Variants in OASL observed in about 807,000 individuals in gnomAD.
OASL encodes the protein 2'-5'-oligoadenylate synthase-like protein.
A neutral mutation model predicts 35.3 loss-of-function variants in OASL; 28 were observed. That is an observed-to-expected ratio of 0.79 (90% confidence interval 0.59 to 1.09). The LOEUF (loss-of-function observed/expected upper bound fraction) is 1.09. Ranked by LOEUF, OASL falls within the 50% of genes least tolerant of loss-of-function variation. OASL has a pLI of 0.00. For missense variants in OASL, 620 were observed against 635.2 expected (o/e 0.98, Z 0.26); for synonymous variants, 252 against 254.6 (o/e 0.99, Z 0.10).
At chr12:121,023,455 A>AT (rs1413612870) in intron 5 of OASL, among the ~76,000 whole-genome samples, 9 of 149,726 alleles carry the variant, frequency 6.0e-5, no homozygotes, top group Non-Finnish European at 1.3e-4. Flanking sequence ...CGCCCGCCTA[A>AT]TTTTGTATTT....
At chr12:121,022,073 C>T (rs1325000260) in intron 5 of OASL, among the ~76,000 whole-genome samples, 2 of 144,930 alleles carry the variant, frequency 1.4e-5, no homozygotes, top group African/African-American at 5.0e-5. Flanking sequence ...CCACATCTGG[C>T]TAAGTTTTGT....
At chr12:121,038,823 T>A (rs1870061932) in exon 1 of OASL, 1 of 1,613,946 alleles carries the variant, frequency 6.2e-7, no homozygotes, top group African/African-American at 1.3e-5. Context: ...ACGCTTCCCC[T>A]GGAAATGCTC....
chr12:121,020,347 C>T lies in OASL; in HGVS notation c.*214G>A, dbSNP rs1347117367. The T allele has an allele frequency of 1.0e-5, 5 of 498,448 alleles. No individual in the cohort carries two copies. The East Asian group carries it at 1.7e-4, about 17-fold the overall frequency. 30.9% of individuals were successfully genotyped at this position (498,448 alleles called of 1,614,324 possible). A position where few individuals can be genotyped will look rare whatever the true frequency, so the allele number is the denominator to read the frequency against. On this transcript the variant is annotated 3_prime_UTR_variant, in exon 6 of 6. Transcript: ENST00000257570. ...ACGGGGTCTCCCTGTGATACCCAGG[C>T]TGGTCTTGAACTCCTCGGCTCAAGC...
intron 5 of OASL, among the ~76,000 whole-genome samples, chr12:121,021,636 C>T (rs973209211): frequency 6.6e-6 from 1 of 152,170 alleles, no homozygotes; most frequent in East Asian, 1.9e-4. Context: ...CATGGCAAAA[C>T]CTATCTCTAC....
At chr12:121,031,689 G>T in intron 2 of OASL, 72 bp from the exon 3 acceptor site, 1 of 1,370,242 alleles carries the variant, frequency 7.3e-7, no homozygotes, top group Non-Finnish European at 1.0e-6. Flanking sequence ...GTATTTTGGG[G>T]AGAGCCTGCC....
At chr12:121,018,100 G>C (rs369495277), downstream of OASL, among the ~76,000 whole-genome samples, 1 of 152,204 alleles carries the variant, frequency 6.6e-6, no homozygotes, top group Non-Finnish European at 1.5e-5. Context: ...TTTCCAAAAA[G>C]TCCTTACTCC....
At chr12:121,028,074 G>A (rs1338953717) in intron 3 of OASL, among the ~76,000 whole-genome samples, 1 of 152,212 alleles carries the variant, frequency 6.6e-6, no homozygotes, top group Non-Finnish European at 1.5e-5. Context: ...ACAGGTATGA[G>A]CAGATTGCGC....
exon 6 of OASL, chr12:121,020,457 G>A (rs1346649334): frequency 8.2e-7 from 1 of 1,217,142 alleles, no homozygotes; most frequent in Non-Finnish European, 1.2e-6. Context: ...TTGTAAAACT[G>A]GTGAAGACCT....
At chr12:121,024,354 C>T (rs12231806) in intron 4 of OASL, among the ~76,000 whole-genome samples, 21,251 of 152,226 alleles carry the variant, frequency 0.14, 1,629 homozygotes, top group East Asian at 0.25. Flanking sequence ...CAGTGGCTCA[C>T]GCCTGTAATC....
chr12:121,026,839 A>G lies in OASL; in HGVS notation c.899+737T>C, dbSNP rs1000480630. Among the ~76,000 whole-genome samples, 13 of 151,538 alleles carry G rather than the reference A, an allele frequency of 8.6e-5. 1 individual carries two copies. In the East Asian group the frequency reaches 1.2e-3, roughly 14 times the overall value. Reference sequence around the variant, plus strand: ...TGCACTCCACCCTGGGTGACAGAGCAAAACTCTGTCTTAAAAAAAAAAAAA... The same window carrying G: ...TGCACTCCACCCTGGGTGACAGAGCGAAACTCTGTCTTAAAAAAAAAAAAA... On this transcript the variant is annotated intron_variant, in intron 4 of 5. Transcript: ENST00000257570.
At chr12:121,022,047 C>CCACAG (rs1555214968) in intron 5 of OASL, among the ~76,000 whole-genome samples, 1 of 151,488 alleles carries the variant, frequency 6.6e-6, no homozygotes, top group Non-Finnish European at 1.5e-5. Flanking sequence ...GTAGCTGGGA[C>CCACAG]CACAGGTGCG....
intron 1 of OASL, among the ~76,000 whole-genome samples, chr12:121,036,395 TG>T (rs1203185463): frequency 1.3e-5 from 2 of 152,218 alleles, no homozygotes; most frequent in African/African-American, 4.8e-5. Flanking sequence ...CATGGCTCAC[TG>T]GGGATTGCTA....
intron 1 of OASL, among the ~76,000 whole-genome samples, chr12:121,037,783 A>G (rs184650053): frequency 8.1e-6 from 1 of 123,726 alleles, no homozygotes; most frequent in Non-Finnish European, 1.8e-5. Flanking sequence ...AAAAAAAAAA[A>G]CAAAAACAAA....
At chr12:121,025,071 C>T (rs117596115) in intron 4 of OASL, among the ~76,000 whole-genome samples, 4 of 150,170 alleles carry the variant, frequency 2.7e-5, no homozygotes, top group East Asian at 2.0e-4. Context: ...TTCCACCTCC[C>T]GGGTTCAGCC....
chr12:121,020,877 C>T (rs774225378), exon 6 of OASL: 10 of 1,614,200 alleles, frequency 6.2e-6, no homozygotes, highest in Non-Finnish European at 8.5e-6. Context: ...TAAGGAGCAC[C>T]TGCTGCTGAG....
At chr12:121,033,846 T>G in intron 1 of OASL, 103 bp from the exon 2 acceptor site, 1 of 1,269,876 alleles carries the variant, frequency 7.9e-7, no homozygotes, top group Non-Finnish European at 1.1e-6. Flanking sequence ...CACCACCCGC[T>G]GAGGGATGGG....
At chr12:121,030,420 G>T (rs1869679064) in intron 3 of OASL, among the ~76,000 whole-genome samples, 2 of 151,964 alleles carry the variant, frequency 1.3e-5, no homozygotes, top group Middle Eastern at 3.2e-3. Flanking sequence ...TAGCCAGGAT[G>T]GTCTCGATCT....
exon 6 of OASL, chr12:121,020,831 A>G: frequency 1.2e-6 from 2 of 1,614,196 alleles, no homozygotes; most frequent in Non-Finnish European, 1.7e-6. Context: ...TCTCCAGCAG[A>G]TAGATGTGAG....
exon 4 of OASL, chr12:121,027,651 A>T: frequency 6.2e-7 from 1 of 1,614,214 alleles, no homozygotes; most frequent in African/African-American, 1.3e-5. Flanking sequence ...GGTCCAGTAG[A>T]TACAGATGAC....
Sources: allele counts gnomAD v4.1 joint callset (sites outside exome capture counted in the v4.1 genomes callset), GRCh38; gene constraint gnomAD v4.1.1; transcripts MANE v1.5; gene names NCBI Gene and HGNC (gene_info 2026-07-23, HGNC 2026-07-21).